SRSF12: variants seen among roughly 807,000 people sequenced by gnomAD.
The protein encoded by SRSF12 is serine/arginine-rich splicing factor 12.
SRSF12 carries 21 observed loss-of-function variants against 34.1 expected under a neutral mutation model. The ratio of observed to expected loss-of-function variants is 0.62; its 90% confidence interval spans 0.44 to 0.89. The LOEUF is 0.89. SRSF12 is among the 40% of genes least tolerant of loss of function. The pLI is 0.00. For missense variants in SRSF12, 278 were observed against 327.8 expected (o/e 0.85, Z 1.17); for synonymous variants, 111 against 110.8 (o/e 1.00, Z -0.01).
At position 89,098,622 on chromosome 6, in the gene SRSF12, A is replaced by T. The variant is rs1768363764; in HGVS notation, c.742T>A (p.Ser248Thr). 1 of 1,613,622 alleles carries T rather than the reference A, an allele frequency of 6.2e-7. No individual in the cohort carries two copies. The highest frequency in any genetic ancestry group is 1.7e-5 in the Admixed American group (1 of 59,992). ...CGATAACTTCGAGATCTGGAATGTG[A>T]CCGAAAATGAGAATGCTTTGCTGTT... ...VQTAKHSHFR[S>T]HSRSRSYRHK... Residue 248 changes from serine to threonine, a missense_variant, in exon 5 of 5, where the codon TCA becomes ACA. Transcript: ENST00000452027.
chr6:89,107,098 ATG>A, intron 2 of SRSF12, 54 bp downstream of exon 2: 16 of 1,347,392 alleles, frequency 1.2e-5, no homozygotes, highest in Non-Finnish European at 1.7e-5. Flanking sequence ...GAATACATAT[ATG>A]TATAAGCACG....
chr6:89,106,975 G>T (rs1249045337), intron 2 of SRSF12, 179 bp downstream of exon 2: 1 of 663,288 alleles, frequency 1.5e-6, no homozygotes, highest in South Asian at 1.5e-5. Flanking sequence ...TAGCTAACAG[G>T]TTGGTTCAAA....
rs148588439 is a variant in SRSF12 at position 89,105,758 on chromosome 6, A to G, written c.171-228T>C. On this transcript the variant is annotated intron_variant, in intron 2 of 4. Coordinates refer to ENST00000452027, the MANE Select transcript of SRSF12 (RefSeq NM_080743.5). Reference sequence around the variant, plus strand: ...GTCTAAAAATAAAAAGAACAAAACAAACATGTAACTGTACTTTTAGTGTCT... The same window carrying G: ...GTCTAAAAATAAAAAGAACAAAACAGACATGTAACTGTACTTTTAGTGTCT... 8.7e-5 allele frequency: 25 copies of G among 288,208 alleles called. No homozygotes were observed. The Middle Eastern group carries it at 3.2e-3, about 37-fold the overall frequency. The allele number at this position is 288,208 out of a possible 1,614,324, so 17.9% of individuals were successfully genotyped here.
intron 1 of SRSF12, among the ~76,000 whole-genome samples, chr6:89,116,519 A>G (rs1225622323): frequency 6.6e-6 from 1 of 152,164 alleles, no homozygotes; most frequent in Non-Finnish European, 1.5e-5. Flanking sequence ...TCATGCCTGT[A>G]ATCTCAGCGC....
chr6:89,111,840 G>GT (rs1350704547), intron 1 of SRSF12, among the ~76,000 whole-genome samples: 1 of 151,994 alleles, frequency 6.6e-6, no homozygotes, highest in Admixed American at 6.6e-5. Context: ...TTGTGTTTTT[G>GT]TTTTTGGAGA....
rs1272670856 is a variant in SRSF12, at chr6:89,097,380, G to T, written c.*1198C>A. The T allele has an allele frequency of 2.0e-5, 3 of 152,060 alleles. 1 individual carries two copies. The highest frequency in any genetic ancestry group is 1.3e-4 in the Admixed American group (2 of 15,242). 9.4% of individuals were successfully genotyped at this position (152,060 alleles called of 1,614,324 possible). ...ACATAAACTACAACACATTTTCAAA[G>T]AAATTATTAGTTATAACAACTACAA... On this transcript the variant is annotated 3_prime_UTR_variant, in exon 5 of 5. Coordinates refer to ENST00000452027, the MANE Select transcript of SRSF12 (RefSeq NM_080743.5).
intron 1 of SRSF12, among the ~76,000 whole-genome samples, chr6:89,110,319 G>C (rs1460582653): frequency 6.6e-6 from 1 of 152,140 alleles, no homozygotes. Flanking sequence ...AGTGGGAGCA[G>C]GCTCAAGCAA....
In SRSF12 at chr6:89,114,352, C is replaced by T. The variant is rs535338322; in HGVS notation, c.65+3471G>A. 1.3e-3 allele frequency among the ~76,000 whole-genome samples: 196 copies of T among 152,266 alleles called. 1 individual carries two copies. Among genetic ancestry groups the T allele is most frequent in the Admixed American group, 0.012 (188 of 15,298 alleles). On this transcript the variant is annotated intron_variant, in intron 1 of 4. Coordinates refer to ENST00000452027, the MANE Select transcript of SRSF12 (RefSeq NM_080743.5). Reference sequence around the variant, plus strand: ...CTGAGGCAGGAGAACTGCTTGAGCCCAGGAGGCGGAGGTTGCAGTGAGCCG... The same window carrying T: ...CTGAGGCAGGAGAACTGCTTGAGCCTAGGAGGCGGAGGTTGCAGTGAGCCG...
At position 89,112,580 on chromosome 6, in the gene SRSF12, CT is replaced by C. The variant is rs200726634; in HGVS notation, c.65+5242del. Among the ~76,000 whole-genome samples the C allele has an allele frequency of 6.2e-4, 90 of 144,102 alleles. 2 individuals are homozygous for C. The highest frequency in any genetic ancestry group is 6.3e-4 in the Admixed American group (9 of 14,308). 94.5% of individuals were successfully genotyped at this position (144,102 alleles called of 152,430 possible). On this transcript the variant is annotated intron_variant, in intron 1 of 4. Transcript: ENST00000452027. The stretch of plus-strand genomic sequence containing the variant: ...GGCACGCATCACCATGCCCGGCTAA[CT>C]TTTTTTTTTTGGTAGAGATGAGGCC...
Position 89,096,858 on chromosome 6 carries a change from A to C in SRSF12, c.*1720T>G, listed in dbSNP as rs1280461478. ...ACCCAAACATTCTGAAAATACTAAAAATTTCTATCAATATCTGTCTTACTC... is the reference window on the plus strand; with the variant it reads ...ACCCAAACATTCTGAAAATACTAAACATTTCTATCAATATCTGTCTTACTC... On this transcript the variant is annotated 3_prime_UTR_variant, in exon 5 of 5. Coordinates refer to ENST00000452027, the MANE Select transcript of SRSF12 (RefSeq NM_080743.5). 1 of 152,126 alleles carries C rather than the reference A, an allele frequency of 6.6e-6. No individual in the cohort carries two copies. Among genetic ancestry groups the C allele is most frequent in the Non-Finnish European group, 1.5e-5 (1 of 68,034 alleles). The allele number at this position is 152,126 out of a possible 1,614,324, so 9.4% of individuals were successfully genotyped here. A position where few individuals can be genotyped will look rare whatever the true frequency, so the allele number is the denominator to read the frequency against.
At chr6:89,112,259 C>T (rs554122285) in intron 1 of SRSF12, among the ~76,000 whole-genome samples, 1 of 152,232 alleles carries the variant, frequency 6.6e-6, no homozygotes, top group African/African-American at 2.4e-5. Context: ...TGTTCAATTT[C>T]ATTTCTGTCA....
In SRSF12 at chr6:89,096,693, T is replaced by C. The variant is rs1209850199; in HGVS notation, c.*1885A>G. The C allele has an allele frequency of 6.6e-6, 1 of 152,296 alleles. No homozygotes were observed. Among genetic ancestry groups the C allele is most frequent in the Non-Finnish European group, 1.5e-5 (1 of 68,096 alleles). The allele number at this position is 152,296 out of a possible 1,614,324, so 9.4% of individuals were successfully genotyped here. On this transcript the variant is annotated 3_prime_UTR_variant, in exon 5 of 5. Coordinates refer to ENST00000452027, the MANE Select transcript of SRSF12 (RefSeq NM_080743.5). ...TATTATTTTTATAGATAAAGGGGTCTTGCTATGTTGCCCAGGCTGGTCTCA... is the reference window on the plus strand; with the variant it reads ...TATTATTTTTATAGATAAAGGGGTCCTGCTATGTTGCCCAGGCTGGTCTCA...
rs181975913 is a variant in SRSF12, at chr6:89,113,463, C to T, written c.65+4360G>A. Among the ~76,000 whole-genome samples the T allele has an allele frequency of 1.9e-3, 291 of 152,102 alleles. 3 individuals carry two copies. Among genetic ancestry groups the T allele is most frequent in the African/African-American group, 6.3e-3 (262 of 41,512 alleles). ...CTGGGATTATAGGCGTGAGCCACCG[C>T]ACCCAGCCCAATTTTTTCTATTATT... On this transcript the variant is annotated intron_variant, in intron 1 of 4. Coordinates refer to ENST00000452027, the MANE Select transcript of SRSF12 (RefSeq NM_080743.5).
intron 1 of SRSF12, among the ~76,000 whole-genome samples, chr6:89,114,297 A>G (rs1189242688): frequency 6.6e-6 from 1 of 152,114 alleles, no homozygotes; most frequent in Non-Finnish European, 1.5e-5. Context: ...GCATGGTGGC[A>G]CACATCTGTA....
rs141874809 is a variant in SRSF12, at chr6:89,099,737, G to A, written c.417-790C>T. On this transcript the variant is annotated intron_variant, in intron 4 of 4. Transcript: ENST00000452027. The stretch of plus-strand genomic sequence containing the variant: ...TTCAGTAGAGATGGGATTTCTCCAT[G>A]TTGGTCAGGCTGGTCTCAATCTCCC... 4.0e-3 allele frequency among the ~76,000 whole-genome samples: 604 copies of A among 152,098 alleles called. 10 individuals carry two copies. Among genetic ancestry groups the A allele is most frequent in the African/African-American group, 0.014 (568 of 41,484 alleles).
At chr6:89,111,337 T>C (rs926209103) in intron 1 of SRSF12, among the ~76,000 whole-genome samples, 3 of 152,226 alleles carry the variant, frequency 2.0e-5, no homozygotes, top group Non-Finnish European at 2.9e-5. Context: ...CTTGAAAATA[T>C]GTTGTAGTTT....
chr6:89,100,259 G>A (rs1768476443), intron 4 of SRSF12, among the ~76,000 whole-genome samples: 1 of 152,186 alleles, frequency 6.6e-6, no homozygotes, highest in African/African-American at 2.4e-5. Context: ...ACACAGTGCT[G>A]AGAGAGAGAT....
In SRSF12 at chr6:89,098,501, T is replaced by C; in HGVS notation, c.*77A>G. The C allele has an allele frequency of 6.7e-7, 1 of 1,490,962 alleles. No individual in the cohort carries two copies. The allele number at this position is 1,490,962 out of a possible 1,614,324, so 92.4% of individuals were successfully genotyped here. A position where few individuals can be genotyped will look rare whatever the true frequency, so the allele number is the denominator to read the frequency against. ...TATCAACTCGCATTTTCTGTATGCC[T>C]TAAAGAATTTTTATTTAACATAATG... On this transcript the variant is annotated 3_prime_UTR_variant, in exon 5 of 5. Transcript: ENST00000452027.
At chr6:89,109,057 G>C (rs1388741196) in intron 1 of SRSF12, among the ~76,000 whole-genome samples, 1 of 152,114 alleles carries the variant, frequency 6.6e-6, no homozygotes, top group African/African-American at 2.4e-5. Context: ...CCATGTGCCA[G>C]GCTCTAGGAA....
Sources: allele counts gnomAD v4.1 joint callset (sites outside exome capture counted in the v4.1 genomes callset), GRCh38; gene constraint gnomAD v4.1.1; transcripts MANE v1.5; gene names NCBI Gene and HGNC (gene_info 2026-07-23, HGNC 2026-07-21).